SLC22A16: variants seen among roughly 807,000 people sequenced by gnomAD.
SLC22A16 encodes the protein WUGSC:RG331P03.1.
In SLC22A16, 53 loss-of-function variants were observed where a neutral mutation model predicts 52.9. The observed-to-expected ratio is 1.00, with a 90% CI of 0.80 to 1.26. The LOEUF (loss-of-function observed/expected upper bound fraction) is 1.26, where lower values mean the gene tolerates loss of function less well. Ranked by LOEUF, SLC22A16 falls within the 50% of genes most tolerant of loss-of-function variation. The pLI is 0.00. For synonymous variants in SLC22A16, 291 were observed against 268.8 expected, an observed-to-expected ratio of 1.08 and a Z score of -0.81; for missense variants, 726 against 704.0, an observed-to-expected ratio of 1.03 and a Z score of -0.35.
chr6:110,442,214 G>A (rs1774993353), intron 4 of SLC22A16, 30 bp downstream of exon 4: 1 of 1,589,116 alleles, frequency 6.3e-7, no homozygotes. Flanking sequence ...TCACTTCACT[G>A]CCAAATTTAA....
chr6:110,446,549 G>C (rs1775179351), intron 3 of SLC22A16, among the ~76,000 whole-genome samples: 1 of 152,110 alleles, frequency 6.6e-6, no homozygotes, highest in South Asian at 2.1e-4. Flanking sequence ...CACCTCAACT[G>C]TCTGTTTGCT....
At chr6:110,474,481 G>A (rs1001077111) in intron 1 of SLC22A16, among the ~76,000 whole-genome samples, 2 of 152,218 alleles carry the variant, frequency 1.3e-5, no homozygotes, top group African/African-American at 4.8e-5. Flanking sequence ...TGCTATATAA[G>A]CAGTGGTTTG....
intron 6 of SLC22A16, among the ~76,000 whole-genome samples, chr6:110,433,286 T>C (rs1216797915): frequency 1.3e-5 from 2 of 152,194 alleles, no homozygotes; most frequent in African/African-American, 4.8e-5. Context: ...TATCTATCCA[T>C]TCTTCCATCC....
chr6:110,460,938 G>C (rs1688027813), intron 1 of SLC22A16, among the ~76,000 whole-genome samples: 1 of 152,198 alleles, frequency 6.6e-6, no homozygotes, highest in Admixed American at 6.5e-5. Context: ...TCTCTGAAAG[G>C]GGCGGTAGTA....
intron 1 of SLC22A16, among the ~76,000 whole-genome samples, chr6:110,468,214 A>C (rs1776137060): frequency 6.6e-6 from 1 of 152,258 alleles, no homozygotes; most frequent in Non-Finnish European, 1.5e-5. Flanking sequence ...GAGAAAGAAC[A>C]CACTAATTCC....
intron 7 of SLC22A16, among the ~76,000 whole-genome samples, chr6:110,429,721 G>A (rs1254735044): frequency 6.6e-6 from 1 of 152,108 alleles, no homozygotes; most frequent in African/African-American, 2.4e-5. Flanking sequence ...GCCACACTGC[G>A]ACAGCAACTG....
intron 1 of SLC22A16, among the ~76,000 whole-genome samples, chr6:110,464,398 G>A (rs9487419): frequency 0.067 from 10,122 of 151,856 alleles, 541 homozygotes; most frequent in East Asian, 0.29. Flanking sequence ...ATTGTTAGAC[G>A]GCTAGCTAGA....
intron 2 of SLC22A16, among the ~76,000 whole-genome samples, chr6:110,454,789 TAA>T (rs1429054734): frequency 1.7e-5 from 1 of 58,390 alleles, no homozygotes; most frequent in African/African-American, 8.1e-5. Flanking sequence ...TATAAATATA[TAA>T]ATATATATAA....
intron 6 of SLC22A16, among the ~76,000 whole-genome samples, chr6:110,432,172 T>A (rs1344247814): frequency 2.0e-5 from 3 of 152,204 alleles, no homozygotes; most frequent in Admixed American, 2.0e-4. Flanking sequence ...TATAAAGAAC[T>A]GATAAAAAGT....
intron 1 of SLC22A16, among the ~76,000 whole-genome samples, chr6:110,463,530 A>AAAG (rs1554228102): frequency 1.3e-5 from 2 of 150,090 alleles, no homozygotes; most frequent in African/African-American, 4.9e-5. Context: ...AAAAAAAAAA[A>AAAG]AAAAAAGACA....
At chr6:110,475,030 C>A (rs746989747) in intron 1 of SLC22A16, 2 of 516,284 alleles carry the variant, frequency 3.9e-6, no homozygotes, top group Non-Finnish European at 7.7e-6. Flanking sequence ...TTATTAGCCC[C>A]ATTTTACAGA....
chr6:110,464,850 A>G (rs997500993), intron 1 of SLC22A16, among the ~76,000 whole-genome samples: 12 of 152,078 alleles, frequency 7.9e-5, no homozygotes, highest in African/African-American at 2.4e-4. Context: ...AGAAAACTAC[A>G]GGCCAATATC....
chr6:110,438,297 TG>T (rs1222126070), intron 5 of SLC22A16, among the ~76,000 whole-genome samples: 1 of 152,210 alleles, frequency 6.6e-6, no homozygotes, highest in African/African-American at 2.4e-5. Context: ...TGGTCATCTC[TG>T]GGAATTAGGA....
chr6:110,436,857 T>G (rs1009041784), intron 5 of SLC22A16, among the ~76,000 whole-genome samples: 6 of 152,064 alleles, frequency 3.9e-5, no homozygotes, highest in African/African-American at 1.4e-4. Context: ...CTTCCAAAGG[T>G]AACTAACAAA....
In SLC22A16 at chr6:110,442,689, C is replaced by T; in HGVS notation, c.738G>A (p.Leu246=). The part of the protein sequence containing the change: ...MKSRTWASVH[L]HSFFAVGTLL... ...GGGTTCCAACTGCAAAAAAGGAATG[C>T]AAATGGACAGACGCCCATGTCCGAG... The change falls in exon 4 of 8, where the codon TTG becomes TTA. Residue 246 remains leucine (L), a synonymous_variant. Coordinates refer to ENST00000368919, the MANE Select transcript of SLC22A16 (RefSeq NM_033125.4). 6.2e-7 allele frequency: 1 copy of T among 1,614,098 alleles called. No homozygotes were observed. Among genetic ancestry groups the T allele is most frequent in the South Asian group, 1.1e-5 (1 of 91,078 alleles).
intron 1 of SLC22A16, among the ~76,000 whole-genome samples, chr6:110,459,905 G>A (rs963624176): frequency 3.9e-5 from 6 of 152,068 alleles, no homozygotes; most frequent in Non-Finnish European, 2.9e-5. Flanking sequence ...TATGCCCACA[G>A]GACAACAGGA....
intron 1 of SLC22A16, among the ~76,000 whole-genome samples, chr6:110,474,620 G>A (rs1189605591): frequency 6.6e-6 from 1 of 152,180 alleles, no homozygotes; most frequent in Non-Finnish European, 1.5e-5. Context: ...CATACATTAT[G>A]GTGGCCAGCT....
intron 1 of SLC22A16, among the ~76,000 whole-genome samples, chr6:110,462,423 C>T (rs1562297989): frequency 6.6e-6 from 1 of 151,940 alleles, no homozygotes; most frequent in African/African-American, 2.4e-5. Context: ...CACTGAGATG[C>T]AAAAGAAAGC....
intron 1 of SLC22A16, among the ~76,000 whole-genome samples, chr6:110,466,378 C>T (rs113140523): frequency 2.0e-5 from 3 of 151,852 alleles, no homozygotes; most frequent in African/African-American, 4.8e-5. Context: ...ATTTGCAAAC[C>T]GAACTATGCA....
Sources: gnomAD v4.1 joint callset for allele counts (sites outside exome capture counted in the v4.1 genomes callset) on GRCh38, gnomAD v4.1.1 for gene constraint, MANE v1.5 for transcripts, NCBI Gene and HGNC (gene_info 2026-07-23, HGNC 2026-07-21) for gene names.